The following SLC39A9 variants were observed in gnomAD, a reference collection of about 807,000 sequenced individuals.
The protein encoded by SLC39A9 is zinc transporter ZIP9.
SLC39A9 carries 14 observed loss-of-function variants against 28.4 expected under a neutral mutation model. That is an observed-to-expected ratio of 0.49 (90% CI 0.33 to 0.77). SLC39A9 has a LOEUF of 0.77. Among genes scored for constraint, SLC39A9 ranks in the 30% least tolerant of loss-of-function variants. The pLI, the probability that SLC39A9 is intolerant of heterozygous loss-of-function variation, is 0.02. For missense variants in SLC39A9, 283 were observed against 381.1 expected (o/e 0.74, Z 2.14); for synonymous variants, 119 against 149.6 (o/e 0.80, Z 1.49).
rs191079305 is a variant in SLC39A9 at position 69,408,999 on chromosome 14, G to A, written c.96+9534G>A. ...TGATTTTAACAGTAACCTTGAAAGG[G>A]AAGAATTCTTGTCCTGCTTGTAGAT... On this transcript the variant is annotated intron_variant, in intron 1 of 6. Transcript: ENST00000336643. Among the ~76,000 whole-genome samples the A allele has an allele frequency of 2.4e-3, 366 of 152,246 alleles. 1 individual carries two copies. Among genetic ancestry groups the A allele is most frequent in the Non-Finnish European group, 3.7e-3 (252 of 68,014 alleles).
chr14:69,399,046 A>C lies in SLC39A9; in HGVS notation c.-324A>C. On this transcript the variant is annotated 5_prime_UTR_variant, in exon 1 of 7. Transcript: ENST00000336643. ...CCACCCTCAATCCGACAATCGAAGAAATCGATCATTCGCACATTTTCCCCA... is the reference window on the plus strand; with the variant it reads ...CCACCCTCAATCCGACAATCGAAGACATCGATCATTCGCACATTTTCCCCA... 1 of 280,120 alleles carries C rather than the reference A, an allele frequency of 3.6e-6. No individual in the cohort carries two copies. Among genetic ancestry groups the C allele is most frequent in the South Asian group, 4.1e-5 (1 of 24,540 alleles). 17.4% of individuals were successfully genotyped at this position (280,120 alleles called of 1,614,324 possible). A position where few individuals can be genotyped will look rare whatever the true frequency, so the allele number is the denominator to read the frequency against.
At chr14:69,420,678 T>A (rs1261328335) in intron 1 of SLC39A9, among the ~76,000 whole-genome samples, 1 of 152,216 alleles carries the variant, frequency 6.6e-6, no homozygotes, top group Admixed American at 6.5e-5. Context: ...CCCATATTTA[T>A]TGGAGGGTTT....
intron 2 of SLC39A9, among the ~76,000 whole-genome samples, chr14:69,437,263 C>G (rs1884811473): frequency 6.6e-6 from 1 of 152,098 alleles, no homozygotes; most frequent in South Asian, 2.1e-4. Context: ...GCCTTAAAGG[C>G]AGGACCAGGA....
At chr14:69,451,320 C>T (rs1885600487) in intron 3 of SLC39A9, among the ~76,000 whole-genome samples, 1 of 152,114 alleles carries the variant, frequency 6.6e-6, no homozygotes, top group Admixed American at 6.5e-5. Flanking sequence ...AGATTAAATC[C>T]CCTGTAACTT....
intron 1 of SLC39A9, among the ~76,000 whole-genome samples, chr14:69,400,068 G>GA (rs771096435): frequency 6.7e-5 from 10 of 150,140 alleles, no homozygotes; most frequent in Admixed American, 1.3e-4. Context: ...CTCCAAAAAA[G>GA]AAAAAAAAAG....
chr14:69,398,588 C>A (rs769424716), upstream of SLC39A9: 8 of 328,856 alleles, frequency 2.4e-5, no homozygotes, highest in African/African-American at 4.4e-5. Context: ...TAGCCCTACT[C>A]AAAAATGGCG....
chr14:69,417,732 G>A (rs1447084199), intron 1 of SLC39A9, among the ~76,000 whole-genome samples: 1 of 152,078 alleles, frequency 6.6e-6, no homozygotes, highest in African/African-American at 2.4e-5. Context: ...TCTCTTTGTA[G>A]CAATTGTGAA....
chr14:69,423,949 C>G (rs1884041858), intron 1 of SLC39A9, 145 bp from the exon 2 acceptor site: 1 of 552,760 alleles, frequency 1.8e-6, no homozygotes, highest in Non-Finnish European at 3.3e-6. Flanking sequence ...ATTACTCATG[C>G]AATTGATCAT....
intron 2 of SLC39A9, among the ~76,000 whole-genome samples, chr14:69,439,571 G>A (rs1014699752): frequency 6.6e-6 from 1 of 152,078 alleles, no homozygotes; most frequent in African/African-American, 2.4e-5. Flanking sequence ...AATTCCAGTG[G>A]CATTTGCTAT....
At chr14:69,403,304 A>G (rs1362468530) in intron 1 of SLC39A9, among the ~76,000 whole-genome samples, 1 of 152,192 alleles carries the variant, frequency 6.6e-6, no homozygotes, top group Non-Finnish European at 1.5e-5. Context: ...GTATAAACTC[A>G]GTGCTGCTGC....
chr14:69,403,392 C>T lies in SLC39A9; in HGVS notation c.96+3927C>T, dbSNP rs1882742145. On this transcript the variant is annotated intron_variant, in intron 1 of 6. Coordinates refer to ENST00000336643, the MANE Select transcript of SLC39A9 (RefSeq NM_018375.5). ...GATTGATTATCTGAGGGTTGTTACT[C>T]ACCTGAGTATGTCTCCTCTTTGTCA... Among the ~76,000 whole-genome samples, 3 of 152,168 alleles carry T rather than the reference C, an allele frequency of 2.0e-5. No individual in the cohort carries two copies. The South Asian group carries it at 6.2e-4, about 31-fold the overall frequency.
chr14:69,408,027 A>G (rs746304586), intron 1 of SLC39A9, among the ~76,000 whole-genome samples: 6 of 146,772 alleles, frequency 4.1e-5, no homozygotes, highest in Admixed American at 6.8e-5. Context: ...TTTCTTTCTT[A>G]TTTTGAGATG....
At chr14:69,439,336 A>T (rs570468173) in intron 2 of SLC39A9, among the ~76,000 whole-genome samples, 15 of 152,262 alleles carry the variant, frequency 9.9e-5, no homozygotes, top group South Asian at 2.1e-4. Context: ...TATAATTTTT[A>T]AAAAAATAAT....
At chr14:69,440,831 G>A (rs974541949) in intron 2 of SLC39A9, among the ~76,000 whole-genome samples, 7 of 152,114 alleles carry the variant, frequency 4.6e-5, no homozygotes, top group Admixed American at 1.3e-4. Flanking sequence ...GCGCCACCGT[G>A]CCCAGCTAGT....
chr14:69,455,799 A>G lies in SLC39A9; in HGVS notation c.626A>G (p.Lys209Arg). Residue 209 changes from lysine to arginine, a missense_variant, in exon 6 of 7, where the codon AAG becomes AGG. Lys to Arg is a conservative substitution (Grantham distance 26). Transcript: ENST00000336643. ...HAGLERNRIR[K>R]HLLVFALAAP... ...GGCTTAGAGCGGAATCGAATCAGAA[A>G]GCACTTGCTGGTCTTTGCATTGGCA... The G allele has an allele frequency of 6.2e-7, 1 of 1,614,228 alleles. No homozygotes were observed. The highest frequency in any genetic ancestry group is 8.5e-7 in the Non-Finnish European group (1 of 1,180,032).
intron 1 of SLC39A9, among the ~76,000 whole-genome samples, chr14:69,403,444 T>C (rs1014867037): frequency 6.6e-6 from 1 of 152,162 alleles, no homozygotes; most frequent in African/African-American, 2.4e-5. Flanking sequence ...GAGCAAGCTG[T>C]TTTTGGCTCA....
intron 3 of SLC39A9, among the ~76,000 whole-genome samples, chr14:69,450,477 T>C (rs1468373285): frequency 1.3e-5 from 2 of 152,102 alleles, no homozygotes; most frequent in African/African-American, 2.4e-5. Flanking sequence ...TCTAAAGATA[T>C]ATATGGTGAT....
intron 3 of SLC39A9, among the ~76,000 whole-genome samples, chr14:69,451,082 AT>A (rs1263383772): frequency 3.3e-5 from 5 of 152,222 alleles, no homozygotes; most frequent in Non-Finnish European, 5.9e-5. Flanking sequence ...AAGCCTTTGT[AT>A]AAAAAAAGGC....
At chr14:69,409,657 A>C (rs1883159561) in intron 1 of SLC39A9, among the ~76,000 whole-genome samples, 1 of 152,234 alleles carries the variant, frequency 6.6e-6, no homozygotes, top group African/African-American at 2.4e-5. Context: ...ATTTTAAAAA[A>C]TGTCCTCATT....
Sources: gnomAD v4.1 joint callset for allele counts (sites outside exome capture counted in the v4.1 genomes callset) on GRCh38, gnomAD v4.1.1 for gene constraint, MANE v1.5 for transcripts, NCBI Gene and HGNC (gene_info 2026-07-23, HGNC 2026-07-21) for gene names.